The following ACOT7 variants were observed in gnomAD, a reference collection of about 807,000 sequenced individuals.
ACOT7 encodes the protein cytosolic acyl coenzyme A thioester hydrolase.
Under a neutral mutation model 40.2 loss-of-function variants are expected in ACOT7, and 12 were observed. That is an observed-to-expected ratio of 0.30 (90% CI 0.19 to 0.48). The LOEUF (loss-of-function observed/expected upper bound fraction) is 0.48, where lower values mean the gene tolerates loss of function less well. ACOT7 is among the 20% of genes least tolerant of loss of function. ACOT7 has a pLI of 0.99. For synonymous variants in ACOT7, 228 were observed against 219.5 expected (o/e 1.04, Z -0.34); for missense variants, 395 against 530.8 (o/e 0.74, Z 2.51).
chr1:6,305,278 G>A (rs1302531550), intron 6 of ACOT7, among the ~76,000 whole-genome samples: 5 of 147,156 alleles, frequency 3.4e-5, no homozygotes, highest in Non-Finnish European at 6.0e-5. Context: ...CCCGGACGGG[G>A]CGGCTGTCCG....
At chr1:6,372,952 G>A (rs1229737478) in intron 1 of ACOT7, among the ~76,000 whole-genome samples, 1 of 152,116 alleles carries the variant, frequency 6.6e-6, no homozygotes, top group Non-Finnish European at 1.5e-5. Flanking sequence ...TGTGTCTCAG[G>A]GAATGAGGGA....
At chr1:6,378,434 A>G (rs531690434) in intron 1 of ACOT7, among the ~76,000 whole-genome samples, 1 of 152,068 alleles carries the variant, frequency 6.6e-6, no homozygotes, top group East Asian at 1.9e-4. Context: ...GCCTTCTCCC[A>G]GTCCCGGGCT....
chr1:6,293,018 T>C (rs1164412937), intron 7 of ACOT7, among the ~76,000 whole-genome samples: 1 of 151,484 alleles, frequency 6.6e-6, no homozygotes, highest in Non-Finnish European at 1.5e-5. Context: ...GCCTCCCGAG[T>C]AGCTGGGACT....
chr1:6,350,921 A>G lies in ACOT7; in HGVS notation c.144-1055T>C, dbSNP rs35003545. 8.0e-3 allele frequency among the ~76,000 whole-genome samples: 1,223 copies of G among 152,324 alleles called. 7 individuals carry two copies. The highest frequency in any genetic ancestry group is 0.012 in the Non-Finnish European group (832 of 68,014). On this transcript the variant is annotated intron_variant, in intron 1 of 8. Transcript: ENST00000361521. ...AATCCTCCATGTGCTCATCTGTACA[A>G]TGGGTAGAATGACAACACTGCCTCG...
chr1:6,309,958 T>C (rs976294265), intron 6 of ACOT7, among the ~76,000 whole-genome samples: 1 of 152,222 alleles, frequency 6.6e-6, no homozygotes, highest in Non-Finnish European at 1.5e-5. Flanking sequence ...AATCCCTGCA[T>C]TATCTCACTG....
rs539388395 is a variant in ACOT7, at chr1:6,285,875, G to T, written c.830-4589C>A. 1.4e-3 allele frequency among the ~76,000 whole-genome samples: 206 copies of T among 152,320 alleles called. 1 individual carries two copies. The highest frequency in any genetic ancestry group is 1.1e-3 in the Non-Finnish European group (75 of 68,028). On this transcript the variant is annotated intron_variant, in intron 7 of 8. Transcript: ENST00000361521. Reference sequence around the variant, plus strand: ...ATGAGAAGGGCAGGAAGGGGGGTCCGCACCTGCCTTGTATACCAGTAGTGT... The same window carrying T: ...ATGAGAAGGGCAGGAAGGGGGGTCCTCACCTGCCTTGTATACCAGTAGTGT...
intron 8 of ACOT7, among the ~76,000 whole-genome samples, chr1:6,277,443 C>G (rs1311687531): frequency 1.3e-5 from 2 of 152,232 alleles, no homozygotes; most frequent in African/African-American, 2.4e-5. Context: ...TGCACTGAAG[C>G]CTGTTCAAAG....
At chr1:6,363,272 C>T (rs1000595978) in intron 1 of ACOT7, among the ~76,000 whole-genome samples, 4 of 152,324 alleles carry the variant, frequency 2.6e-5, no homozygotes, top group Non-Finnish European at 5.9e-5. Context: ...TCTGGGAAGA[C>T]GCCCGTTGCC....
In ACOT7 at chr1:6,355,005, G is replaced by C. The variant is rs1557665119; in HGVS notation, c.144-5139C>G. ...TACAGAATAAAGACTCAATCTCCTA[G>C]TAAGGCATCTGGAGCTCTCAGGGAT... On this transcript the variant is annotated intron_variant, in intron 1 of 8. Transcript: ENST00000361521. The surrounding 1 kb of genome is among the most constrained non-coding windows in gnomAD (Gnocchi z 5.0). Among the ~76,000 whole-genome samples the C allele has an allele frequency of 6.6e-6, 1 of 152,066 alleles. No individual in the cohort carries two copies. The highest frequency in any genetic ancestry group is 2.4e-5 in the African/African-American group (1 of 41,478).
At chr1:6,326,534 C>T (rs1181869713) in intron 5 of ACOT7, among the ~76,000 whole-genome samples, 1 of 152,244 alleles carries the variant, frequency 6.6e-6, no homozygotes, top group Non-Finnish European at 1.5e-5. Flanking sequence ...AGAGCCCCTC[C>T]TCCAATCAAT....
chr1:6,360,812 C>T, intron 1 of ACOT7: 2 of 1,448,096 alleles, frequency 1.4e-6, no homozygotes, highest in South Asian at 2.8e-5. Flanking sequence ...GGTCCCAGTC[C>T]AGGTGTGCTA....
At chr1:6,267,814 A>T (rs1472292319) in intron 8 of ACOT7, among the ~76,000 whole-genome samples, 6 of 152,120 alleles carry the variant, frequency 3.9e-5, no homozygotes, top group Non-Finnish European at 7.3e-5. Flanking sequence ...CCGCCTGGAA[A>T]CCAGCCCAGC....
chr1:6,353,654 G>T (rs956034210), intron 1 of ACOT7, among the ~76,000 whole-genome samples: 4 of 152,148 alleles, frequency 2.6e-5, no homozygotes, highest in African/African-American at 9.6e-5. Context: ...AGAAAAGAAA[G>T]AAATACATTT....
At chr1:6,324,461 G>A (rs973924316) in intron 5 of ACOT7, among the ~76,000 whole-genome samples, 2 of 151,704 alleles carry the variant, frequency 1.3e-5, no homozygotes, top group African/African-American at 4.8e-5. Context: ...ATCGGAGGCT[G>A]GCAAACAGAA....
chr1:6,389,999 G>A (rs749301175), intron 1 of ACOT7, among the ~76,000 whole-genome samples: 42 of 152,172 alleles, frequency 2.8e-4, no homozygotes, highest in Non-Finnish European at 1.8e-4. Context: ...GGGCTTGGCT[G>A]TGCTAGGCCA....
chr1:6,348,213 C>T (rs1159027863), intron 2 of ACOT7, among the ~76,000 whole-genome samples: 3 of 152,148 alleles, frequency 2.0e-5, no homozygotes, highest in African/African-American at 4.8e-5. Context: ...CTAAACCAGG[C>T]ACTGCCAGCA....
chr1:6,267,172 C>A (rs1376944998), intron 8 of ACOT7, among the ~76,000 whole-genome samples: 1 of 152,224 alleles, frequency 6.6e-6, no homozygotes, highest in Admixed American at 6.5e-5. Context: ...CTGAAGCCCC[C>A]ACCCAGCCCA....
At chr1:6,371,197 C>T (rs1328229961) in intron 1 of ACOT7, among the ~76,000 whole-genome samples, 4 of 152,166 alleles carry the variant, frequency 2.6e-5, no homozygotes, top group East Asian at 1.9e-4. Flanking sequence ...ATGCTATAAA[C>T]AGATGTGCTG....
At chr1:6,314,232 C>T (rs1438135730) in intron 6 of ACOT7, among the ~76,000 whole-genome samples, 1 of 152,068 alleles carries the variant, frequency 6.6e-6, no homozygotes, top group African/African-American at 2.4e-5. Flanking sequence ...GGGGCTCATG[C>T]ATCTGAAACT....
Sources: gnomAD v4.1 joint callset for allele counts (sites outside exome capture counted in the v4.1 genomes callset) on GRCh38, gnomAD v4.1.1 for gene constraint, Gnocchi (gnomAD v3.1) non-coding constraint, MANE v1.5 for transcripts, NCBI Gene and HGNC (gene_info 2026-07-23, HGNC 2026-07-21) for gene names.